The following NALCN variants were observed in gnomAD, a reference collection of about 807,000 sequenced individuals.
NALCN encodes the protein sodium leak channel, non-selective, also known as sodium leak channel NALCN.
NALCN carries 111 observed loss-of-function variants against 225.3 expected under a neutral mutation model. That is an observed-to-expected ratio of 0.49 (90% CI 0.42 to 0.58). The LOEUF is 0.58. Among genes scored for constraint, NALCN ranks in the 20% least tolerant of loss-of-function variants. The pLI is 0.00. For synonymous variants in NALCN, 764 were observed against 769.0 expected, an observed-to-expected ratio of 0.99 and a Z score of 0.11; for missense variants, 1,378 against 2,202.4, an observed-to-expected ratio of 0.63 and a Z score of 7.49.
At chr13:101,327,896 C>A (rs796082346) in intron 7 of NALCN, among the ~76,000 whole-genome samples, 5 of 152,224 alleles carry the variant, frequency 3.3e-5, no homozygotes, top group African/African-American at 9.6e-5. Flanking sequence ...CCGTAAATGG[C>A]CAGATGGTAA....
chr13:101,350,987 A>G (rs1464932696), intron 6 of NALCN, among the ~76,000 whole-genome samples: 1 of 152,194 alleles, frequency 6.6e-6, no homozygotes, highest in Non-Finnish European at 1.5e-5. Flanking sequence ...ATCTATAGAC[A>G]TATCTTTTGA....
intron 1 of NALCN, among the ~76,000 whole-genome samples, chr13:101,400,576 TGTGTGCAC>T (rs767949725): frequency 8.2e-5 from 9 of 109,578 alleles, no homozygotes; most frequent in Non-Finnish European, 1.4e-4. Flanking sequence ...TGTGTGTGTG[TGTGTGCAC>T]GTGTGTGCGC....
intron 17 of NALCN, 198 bp downstream of exon 17, chr13:101,142,882 G>C: frequency 1.5e-6 from 1 of 664,942 alleles, no homozygotes; most frequent in Non-Finnish European, 2.5e-6. Flanking sequence ...CAGCTCAAAA[G>C]CTTACACGGG....
At chr13:101,405,047 T>G (rs575043259) in intron 1 of NALCN, among the ~76,000 whole-genome samples, 1 of 152,376 alleles carries the variant, frequency 6.6e-6, no homozygotes, top group South Asian at 2.1e-4. Context: ...TCAAATGTTT[T>G]TATTTCTTCC....
chr13:101,186,574 T>A (rs1326098882), intron 14 of NALCN, among the ~76,000 whole-genome samples: 1 of 152,182 alleles, frequency 6.6e-6, no homozygotes, highest in Non-Finnish European at 1.5e-5. Flanking sequence ...TTTTGGGTAG[T>A]ATAGAAGTGA....
At chr13:101,099,863 A>G (rs1304030701) in intron 27 of NALCN, among the ~76,000 whole-genome samples, 2 of 152,168 alleles carry the variant, frequency 1.3e-5, no homozygotes, top group Non-Finnish European at 2.9e-5. Context: ...GATAGAAGGC[A>G]TGTGAGTCCC....
In NALCN at chr13:101,100,876, A is replaced by G. The variant is rs763500578; in HGVS notation, c.3070T>C (p.Leu1024=). ...GCAAAAACGAGCATTAATGTCAGCA[A>G]AAGAATGGAGACCTGAAAGAAATTG... ...FKEIFLVSIL[L]LTLMLVFASF... is the part of the protein sequence containing the mutation. Residue 1024 remains leucine (L), a synonymous_variant, in exon 27 of 44, where the codon TTG becomes CTG. Coordinates refer to ENST00000251127, the MANE Select transcript of NALCN (RefSeq NM_052867.4). The G allele has an allele frequency of 6.2e-7, 1 of 1,604,516 alleles. No individual in the cohort carries two copies. The highest frequency in any genetic ancestry group is 8.5e-7 in the Non-Finnish European group (1 of 1,176,950).
intron 13 of NALCN, among the ~76,000 whole-genome samples, chr13:101,193,794 C>T (rs1248285693): frequency 1.3e-5 from 2 of 151,756 alleles, no homozygotes; most frequent in Non-Finnish European, 2.9e-5. Context: ...TATTTTTTTT[C>T]TCTTGAATAT....
At chr13:101,279,613 G>T (rs1451582252) in intron 10 of NALCN, among the ~76,000 whole-genome samples, 4 of 151,172 alleles carry the variant, frequency 2.6e-5, no homozygotes, top group Admixed American at 2.6e-4. Flanking sequence ...TCAGGAGATC[G>T]AGACCATCCC....
At chr13:101,279,820 AAAT>A (rs1421288322) in intron 10 of NALCN, among the ~76,000 whole-genome samples, 10 of 101,100 alleles carry the variant, frequency 9.9e-5, no homozygotes, top group Non-Finnish European at 2.0e-4. Flanking sequence ...CCGTCTCAAA[AAAT>A]AAATAAATAA....
chr13:101,306,217 G>A (rs1240120005), intron 7 of NALCN, among the ~76,000 whole-genome samples: 1 of 152,106 alleles, frequency 6.6e-6, no homozygotes, highest in Non-Finnish European at 1.5e-5. Context: ...GATGCCCCAG[G>A]CCCTCATTGC....
At chr13:101,392,967 T>G (rs943478501) in intron 3 of NALCN, among the ~76,000 whole-genome samples, 1 of 152,232 alleles carries the variant, frequency 6.6e-6, no homozygotes, top group Non-Finnish European at 1.5e-5. Context: ...GTGCAAAATC[T>G]GTATGAGGAA....
chr13:101,151,903 A>G (rs2037669135), intron 15 of NALCN, among the ~76,000 whole-genome samples: 1 of 152,158 alleles, frequency 6.6e-6, no homozygotes, highest in African/African-American at 2.4e-5. Context: ...GGCCTGTGAA[A>G]TCCAATACAG....
chr13:101,276,584 G>A (rs1290998289), intron 10 of NALCN, among the ~76,000 whole-genome samples: 2 of 152,144 alleles, frequency 1.3e-5, no homozygotes, highest in Non-Finnish European at 2.9e-5. Context: ...GCCTGCATAT[G>A]GTTCCTATTC....
Position 101,073,758 on chromosome 13 carries a change from A to G in NALCN, c.4104-81T>C, listed in dbSNP as rs2033064340. ...AATAGCATGGTTTGCCAACACCAAA[A>G]CAAGTGGAGGTTGTAGCAAATTTGG... On this transcript the variant is annotated intron_variant, in intron 36 of 43. Coordinates refer to ENST00000251127, the MANE Select transcript of NALCN (RefSeq NM_052867.4). 11 of 1,223,250 alleles carry G rather than the reference A, an allele frequency of 9.0e-6. No homozygotes were observed. In the South Asian group the frequency reaches 1.5e-4, roughly 16 times the overall value. 75.8% of individuals were successfully genotyped at this position (1,223,250 alleles called of 1,614,324 possible).
Position 101,258,465 on chromosome 13 carries a change from T to A in NALCN, c.1244A>T (p.Tyr415Phe). 1.2e-6 allele frequency: 2 copies of A among 1,614,202 alleles called. No individual in the cohort carries two copies. Among genetic ancestry groups the A allele is most frequent in the South Asian group, 2.2e-5 (2 of 91,070 alleles). The change falls in exon 11 of 44, where the codon TAC (tyrosine) becomes TTC (phenylalanine). Residue 415 changes from tyrosine (Y) to phenylalanine (F), a missense_variant. Physicochemically the swap from Tyr to Phe is conservative, Grantham distance 22. This residue lies in a region of NALCN where 144 missense variants were observed against 187.7 expected (regional missense o/e 0.77). Transcript: ENST00000251127. The part of the protein sequence containing the change: ...YYKGENFRRQ[Y>F]DEFYLAEVAF... ...TACCTCCGCCAGGTAGAACTCGTCG[T>A]ACTGCCTCCTGAAGTTTTCTCCTTT...
intron 6 of NALCN, among the ~76,000 whole-genome samples, chr13:101,357,961 G>A (rs2046112714): frequency 6.6e-6 from 1 of 152,178 alleles, no homozygotes; most frequent in African/African-American, 2.4e-5. Flanking sequence ...AATAAATGGT[G>A]CTGAGAAAAC....
intron 6 of NALCN, among the ~76,000 whole-genome samples, chr13:101,349,652 C>T (rs1161649511): frequency 6.6e-6 from 1 of 152,108 alleles, no homozygotes; most frequent in Non-Finnish European, 1.5e-5. Context: ...TCCATCTCCT[C>T]TAGTCGTGAG....
At position 101,192,061 on chromosome 13, in the gene NALCN, G is replaced by C. The variant is rs781035779; in HGVS notation, c.1627-7C>G. The C allele has an allele frequency of 3.8e-5, 60 of 1,591,956 alleles. No individual in the cohort carries two copies. The highest frequency in any genetic ancestry group is 4.8e-5 in the Non-Finnish European group (56 of 1,174,210). ...GGAACATGGACATAAATGCCTAAGA[G>C]GAAAAGAACAAAGGTATTACACACT... On this transcript the variant is annotated splice_region_variant and splice_polypyrimidine_tract_variant and intron_variant, in intron 13 of 43. Coordinates refer to ENST00000251127, the MANE Select transcript of NALCN (RefSeq NM_052867.4).
Sources: allele counts gnomAD v4.1 joint callset (sites outside exome capture counted in the v4.1 genomes callset), GRCh38; gene constraint gnomAD v4.1.1; regional missense constraint gnomAD v4.1.1; transcripts MANE v1.5; gene names NCBI Gene and HGNC (gene_info 2026-07-23, HGNC 2026-07-21).